ERC1: variants seen among roughly 807,000 people sequenced by gnomAD.
ERC1 encodes RAB6 interacting protein 2.
Under a neutral mutation model 132.0 loss-of-function variants are expected in ERC1, and 56 were observed. The ratio of observed to expected loss-of-function variants is 0.42; its 90% confidence interval spans 0.34 to 0.53. The LOEUF (loss-of-function observed/expected upper bound fraction) is 0.53. Ranked by LOEUF, ERC1 falls within the 20% of genes least tolerant of loss-of-function variation. The pLI is 0.03. For synonymous variants in ERC1, 478 were observed against 476.1 expected (o/e 1.00, Z -0.05); for missense variants, 1,202 against 1,349.9 (o/e 0.89, Z 1.72).
chr12:1,249,802 T>C (rs888720640), intron 13 of ERC1, among the ~76,000 whole-genome samples: 1 of 152,174 alleles, frequency 6.6e-6, no homozygotes, highest in African/African-American at 2.4e-5. Flanking sequence ...ACCAGCAGAT[T>C]TGGTGTCTGG....
At chr12:1,428,302 A>G (rs1457477820) in intron 17 of ERC1, among the ~76,000 whole-genome samples, 1 of 152,236 alleles carries the variant, frequency 6.6e-6, no homozygotes, top group Non-Finnish European at 1.5e-5. Flanking sequence ...ATTTATTTAA[A>G]TAAAACGTGG....
rs7960442 is a variant in ERC1 at position 1,404,693 on chromosome 12, C to G, written c.2926-3456C>G. On this transcript the variant is annotated intron_variant, in intron 16 of 18. Transcript: ENST00000360905. ...ATTTTAGATTCGGGGGATGCATACA[C>G]AGGTTTGTTCCCTGGGTATATTGCA... 5.1e-3 allele frequency among the ~76,000 whole-genome samples: 769 copies of G among 152,240 alleles called. 7 individuals carry two copies. Among genetic ancestry groups the G allele is most frequent in the African/African-American group, 0.018 (728 of 41,538 alleles).
At chr12:1,330,719 G>A (rs2082801394) in intron 15 of ERC1, among the ~76,000 whole-genome samples, 1 of 151,858 alleles carries the variant, frequency 6.6e-6, no homozygotes, top group Non-Finnish European at 1.5e-5. Flanking sequence ...GACTCATCTT[G>A]TCCTTCTATT....
intron 15 of ERC1, among the ~76,000 whole-genome samples, chr12:1,307,344 T>C (rs1465869531): frequency 2.0e-5 from 3 of 152,218 alleles, no homozygotes; most frequent in Non-Finnish European, 4.4e-5. Flanking sequence ...GTTGTATGAA[T>C]AATGAGTCCA....
chr12:1,022,972 G>T (rs1159093068), intron 1 of ERC1, among the ~76,000 whole-genome samples: 1 of 152,112 alleles, frequency 6.6e-6, no homozygotes, highest in Non-Finnish European at 1.5e-5. Context: ...ACTTCTTCCT[G>T]CCGCCATGTG....
intron 7 of ERC1, among the ~76,000 whole-genome samples, chr12:1,120,007 C>T (rs571960696): frequency 2.0e-5 from 3 of 150,196 alleles, no homozygotes; most frequent in Non-Finnish European, 3.0e-5. Flanking sequence ...TTTTTTTTTG[C>T]GACAAGGTTT....
chr12:1,237,054 G>A lies in ERC1; in HGVS notation c.2487+150G>A, dbSNP rs953928018. The A allele has an allele frequency of 3.4e-5, 31 of 917,238 alleles. No individual in the cohort carries two copies. The East Asian group carries it at 7.9e-4, about 23-fold the overall frequency. 56.8% of individuals were successfully genotyped at this position (917,238 alleles called of 1,614,324 possible). ...CTCAGACCAACTGTTTAGCAATGAA[G>A]GAATGGCTTTAAGTAGAAAATGCAA... On this transcript the variant is annotated intron_variant, in intron 13 of 18. Transcript: ENST00000360905.
chr12:1,420,919 TGGGGG>T (rs57475289), intron 17 of ERC1, among the ~76,000 whole-genome samples: 7 of 99,830 alleles, frequency 7.0e-5, no homozygotes, highest in African/African-American at 2.2e-4. Flanking sequence ...GGTTTTGGTT[TGGGGG>T]GGGGGGGGGT....
At chr12:1,363,531 T>G (rs933279751) in intron 15 of ERC1, among the ~76,000 whole-genome samples, 1 of 148,980 alleles carries the variant, frequency 6.7e-6, no homozygotes, top group African/African-American at 2.5e-5. Context: ...CCCTTGTAAG[T>G]GTATTTCTTT....
intron 15 of ERC1, among the ~76,000 whole-genome samples, chr12:1,330,312 A>G (rs1320809312): frequency 6.6e-6 from 1 of 152,204 alleles, no homozygotes; most frequent in Non-Finnish European, 1.5e-5. Context: ...GCTCTTAGCT[A>G]AGGCTGAGAA....
intron 15 of ERC1, among the ~76,000 whole-genome samples, chr12:1,321,342 G>GTGTGTGTGTGTATATA: frequency 6.6e-6 from 1 of 152,132 alleles, no homozygotes; most frequent in South Asian, 2.1e-4. Context: ...GTGTGTGTGT[G>GTGTGTGTGTGTATATA]TATATTTTGC....
intron 11 of ERC1, among the ~76,000 whole-genome samples, chr12:1,186,107 A>G (rs1280718749): frequency 6.6e-6 from 1 of 152,242 alleles, no homozygotes; most frequent in Non-Finnish European, 1.5e-5. Context: ...AACAAAATTT[A>G]CATAAATGTT....
At chr12:1,385,109 A>G (rs2089167469) in intron 16 of ERC1, among the ~76,000 whole-genome samples, 2 of 152,220 alleles carry the variant, frequency 1.3e-5, no homozygotes, top group Non-Finnish European at 2.9e-5. Flanking sequence ...ACGCTTAGAG[A>G]AGCCTGGTTG....
In ERC1 at chr12:1,440,603, TGTGTGTG is replaced by T. The variant is rs2093115866; in HGVS notation, c.3025-3958_3025-3952del. Among the ~76,000 whole-genome samples the T allele has an allele frequency of 2.7e-3, 41 of 15,076 alleles. 4 individuals are homozygous for T. Among genetic ancestry groups the T allele is most frequent in the African/African-American group, 5.9e-3 (39 of 6,598 alleles). The allele number at this position is 15,076 out of a possible 152,430, so 9.9% of individuals were successfully genotyped here. ...GCAATCCCCCTGCCTCAGCCTTTTG[TGTGTGTG>T]TGTGTGTGTGTGTGTGTGTGTGTGT... is the stretch of plus-strand genomic sequence containing the variant. On this transcript the variant is annotated intron_variant, in intron 17 of 18. Transcript: ENST00000360905.
chr12:1,482,140 G>A (rs2094105389), intron 18 of ERC1, among the ~76,000 whole-genome samples: 1 of 152,122 alleles, frequency 6.6e-6, no homozygotes, highest in African/African-American at 2.4e-5. Context: ...CCAGCCCGGG[G>A]GCCTTTGTCT....
In ERC1 at chr12:1,290,028, C is replaced by T. The variant is rs980784964; in HGVS notation, c.2780+16C>T. The T allele has an allele frequency of 1.6e-5, 25 of 1,609,348 alleles. No homozygotes were observed. In the East Asian group the frequency reaches 1.6e-4, roughly 10 times the overall value. ...TGGAGATGAAGTAAGTGTTTGTAGTCTTATTCTTCAAGCATATGCTTAGTG... is the reference window on the plus strand; with the variant it reads ...TGGAGATGAAGTAAGTGTTTGTAGTTTTATTCTTCAAGCATATGCTTAGTG... On this transcript the variant is annotated intron_variant, in intron 15 of 18. Coordinates refer to ENST00000360905, the MANE Select transcript of ERC1 (RefSeq NM_178040.4).
chr12:1,016,597 A>G (rs887988181), intron 1 of ERC1, among the ~76,000 whole-genome samples: 1 of 149,240 alleles, frequency 6.7e-6, no homozygotes, highest in Non-Finnish European at 1.5e-5. Context: ...TTTCTCTCAC[A>G]GTATGTATAT....
intron 15 of ERC1, among the ~76,000 whole-genome samples, chr12:1,366,386 A>G (rs1027839155): frequency 7.2e-5 from 11 of 152,236 alleles, no homozygotes; most frequent in African/African-American, 2.7e-4. Flanking sequence ...TGTTAATATC[A>G]TCCAAACTAT....
intron 15 of ERC1, among the ~76,000 whole-genome samples, chr12:1,332,337 T>TA (rs1409753634): frequency 1.1e-4 from 17 of 152,228 alleles, no homozygotes; most frequent in Non-Finnish European, 2.2e-4. Context: ...TTAGACCTTT[T>TA]AAAAAAATGT....
Sources: allele counts gnomAD v4.1 joint callset (sites outside exome capture counted in the v4.1 genomes callset), GRCh38; gene constraint gnomAD v4.1.1; transcripts MANE v1.5; gene names NCBI Gene and HGNC (gene_info 2026-07-23, HGNC 2026-07-21).